Variants in CSMD1 observed in about 807,000 individuals in gnomAD.
The protein encoded by CSMD1 is CUB and sushi domain-containing protein 1.
A neutral mutation model predicts 417.5 loss-of-function variants in CSMD1; 213 were observed. The observed-to-expected ratio is 0.51, with a 90% CI of 0.46 to 0.57. The LOEUF (loss-of-function observed/expected upper bound fraction) is 0.57, where lower values mean the gene tolerates loss of function less well. CSMD1 is among the 20% of genes least tolerant of loss of function. The pLI is 0.00. For missense variants in CSMD1, 6,923 were observed against 4,529.7 expected (o/e 1.53, Z -15.17); for synonymous variants, 2,862 against 1,736.8 (o/e 1.65, Z -16.11).
intron 5 of CSMD1, among the ~76,000 whole-genome samples, chr8:3,839,303 T>C (rs1464061018): frequency 8.1e-6 from 1 of 123,964 alleles, no homozygotes; most frequent in Non-Finnish European, 1.6e-5. Flanking sequence ...TATACTATTA[T>C]ATATACTATT....
intron 1 of CSMD1, among the ~76,000 whole-genome samples, chr8:4,854,096 T>C (rs1801646234): frequency 1.3e-5 from 2 of 152,268 alleles, no homozygotes; most frequent in East Asian, 3.9e-4. Context: ...ACATTGGACA[T>C]GAGACATAGA....
intron 2 of CSMD1, among the ~76,000 whole-genome samples, chr8:4,599,586 A>G (rs1800476098): frequency 6.6e-6 from 1 of 152,184 alleles, no homozygotes; most frequent in African/African-American, 2.4e-5. Flanking sequence ...GTCAACGAAT[A>G]TAAATGTATA....
At chr8:4,455,749 G>A (rs1799428654) in intron 2 of CSMD1, among the ~76,000 whole-genome samples, 1 of 151,256 alleles carries the variant, frequency 6.6e-6, no homozygotes, top group African/African-American at 2.4e-5. Flanking sequence ...TGGCCAACAT[G>A]GTGAAACCCC....
At chr8:4,983,591 C>G (rs991737362) in intron 1 of CSMD1, among the ~76,000 whole-genome samples, 1 of 152,092 alleles carries the variant, frequency 6.6e-6, no homozygotes, top group Non-Finnish European at 1.5e-5. Context: ...GGTGCAATCT[C>G]GACTGACTGC....
chr8:4,123,881 T>C (rs1354799275), intron 3 of CSMD1, among the ~76,000 whole-genome samples: 2 of 152,208 alleles, frequency 1.3e-5, no homozygotes, highest in East Asian at 3.9e-4. Context: ...TCCAGGGTTG[T>C]ATGTGATTCC....
At chr8:3,783,427 G>A (rs1043143153) in intron 5 of CSMD1, among the ~76,000 whole-genome samples, 3 of 152,198 alleles carry the variant, frequency 2.0e-5, no homozygotes, top group Admixed American at 6.5e-5. Context: ...GCCCTGGGCG[G>A]CCCTATGCTG....
At chr8:4,308,337 G>A (rs190270462) in intron 3 of CSMD1, among the ~76,000 whole-genome samples, 6 of 152,000 alleles carry the variant, frequency 3.9e-5, no homozygotes, top group East Asian at 3.9e-4. Flanking sequence ...GGTGTGTATC[G>A]TTTGTGGTGC....
chr8:4,409,979 A>C (rs957538734), intron 3 of CSMD1, among the ~76,000 whole-genome samples: 2 of 151,994 alleles, frequency 1.3e-5, no homozygotes, highest in Non-Finnish European at 2.9e-5. Context: ...ACGCCCAGCA[A>C]ATTTTTGTAT....
At chr8:3,486,265 T>A (rs1182999576) in intron 11 of CSMD1, among the ~76,000 whole-genome samples, 1 of 121,298 alleles carries the variant, frequency 8.2e-6, no homozygotes, top group Non-Finnish European at 1.7e-5. Context: ...TTTAATCTTT[T>A]TAAAACTATT....
intron 2 of CSMD1, among the ~76,000 whole-genome samples, chr8:4,549,309 G>A (rs543474403): frequency 2.0e-5 from 3 of 152,220 alleles, no homozygotes; most frequent in Admixed American, 1.3e-4. Flanking sequence ...GCGAGGGGAA[G>A]GAAAAGGGTA....
At chr8:4,764,233 G>A (rs560310812) in intron 1 of CSMD1, among the ~76,000 whole-genome samples, 4 of 152,184 alleles carry the variant, frequency 2.6e-5, no homozygotes, top group African/African-American at 7.2e-5. Context: ...TTAGACAGTC[G>A]TATTGTACAG....
chr8:4,076,512 A>G (rs929278656), intron 3 of CSMD1, among the ~76,000 whole-genome samples: 1 of 152,222 alleles, frequency 6.6e-6, no homozygotes, highest in African/African-American at 2.4e-5. Flanking sequence ...GTAAGTATAT[A>G]TGAACAAATA....
intron 3 of CSMD1, among the ~76,000 whole-genome samples, chr8:4,063,832 A>G (rs1339151103): frequency 6.6e-6 from 1 of 152,250 alleles, no homozygotes; most frequent in East Asian, 1.9e-4. Context: ...TGTGGTAAGA[A>G]GGAACCAGGA....
intron 1 of CSMD1, among the ~76,000 whole-genome samples, chr8:4,962,275 G>T (rs1013955976): frequency 2.6e-5 from 4 of 151,758 alleles, no homozygotes; most frequent in African/African-American, 9.7e-5. Context: ...CAGTGTCACA[G>T]TCATAGCTTA....
chr8:3,514,966 T>A (rs1023205963), intron 10 of CSMD1, among the ~76,000 whole-genome samples: 2 of 152,318 alleles, frequency 1.3e-5, no homozygotes, highest in Non-Finnish European at 2.9e-5. Flanking sequence ...TTGGAATATA[T>A]CAAAGTGCCT....
chr8:4,416,603 A>G (rs980146886), intron 3 of CSMD1, among the ~76,000 whole-genome samples: 2 of 152,128 alleles, frequency 1.3e-5, no homozygotes, highest in Non-Finnish European at 2.9e-5. Context: ...ATAAAATAGA[A>G]GAATTCCTTT....
intron 5 of CSMD1, among the ~76,000 whole-genome samples, chr8:3,854,213 C>T (rs1184301193): frequency 6.7e-6 from 1 of 148,208 alleles, no homozygotes; most frequent in African/African-American, 2.5e-5. Context: ...TTTGGGAACA[C>T]TTAAAACATG....
chr8:4,696,034 C>G (rs1467081351), intron 1 of CSMD1, among the ~76,000 whole-genome samples: 1 of 152,186 alleles, frequency 6.6e-6, no homozygotes, highest in Non-Finnish European at 1.5e-5. Context: ...CTTTGAGGAA[C>G]TTACAGAATC....
At chr8:3,260,753 T>G (rs1027745930) in intron 26 of CSMD1, among the ~76,000 whole-genome samples, 8 of 152,104 alleles carry the variant, frequency 5.3e-5, no homozygotes, top group African/African-American at 1.9e-4. Context: ...GCTCTTCGAC[T>G]TGACAACAGA....
Sources: gnomAD v4.1 joint callset for allele counts (sites outside exome capture counted in the v4.1 genomes callset) on GRCh38, gnomAD v4.1.1 for gene constraint, MANE v1.5 for transcripts, NCBI Gene and HGNC (gene_info 2026-07-23, HGNC 2026-07-21) for gene names.